Variants in GPLD1 observed in about 807,000 individuals in gnomAD.
GPLD1 encodes glycosylphosphatidylinositol specific phospholipase D1.
Under a neutral mutation model 112.6 loss-of-function variants are expected in GPLD1, and 84 were observed. That is an observed-to-expected ratio of 0.75 (90% CI 0.63 to 0.89). The LOEUF is 0.89. GPLD1 is among the 40% of genes least tolerant of loss of function. The pLI is 0.00. For missense variants in GPLD1, 1,044 were observed against 1,051.5 expected (o/e 0.99, Z 0.10); for synonymous variants, 386 against 403.8 (o/e 0.96, Z 0.53).
rs904728232 is a variant in GPLD1 at position 24,446,780 on chromosome 6, A to C, written c.1820+58T>G. ...CTCAGCCTCATGCTCAGTGCGCTCC[A>C]TAGCAGCAGGTACCTGCCCCTGTGT... On this transcript the variant is annotated intron_variant, in intron 18 of 24. Transcript: ENST00000230036. 44 of 1,569,240 alleles carry C rather than the reference A, an allele frequency of 2.8e-5. 1 individual carries two copies. Among genetic ancestry groups the C allele is most frequent in the Non-Finnish European group, 3.7e-5 (43 of 1,152,022 alleles).
At chr6:24,457,764 T>G (rs1044668189) in intron 12 of GPLD1, among the ~76,000 whole-genome samples, 2 of 151,926 alleles carry the variant, frequency 1.3e-5, no homozygotes, top group Non-Finnish European at 2.9e-5. Context: ...TCCCAGCTAC[T>G]TGGGAGGCTG....
At position 24,444,797 on chromosome 6, in the gene GPLD1, C is replaced by G. The variant is rs536247096; in HGVS notation, c.2020+749G>C. Among the ~76,000 whole-genome samples the G allele has an allele frequency of 1.9e-3, 286 of 152,078 alleles. 1 individual carries two copies. Among genetic ancestry groups the G allele is most frequent in the Non-Finnish European group, 3.1e-3 (212 of 68,026 alleles). On this transcript the variant is annotated intron_variant, in intron 20 of 24. Coordinates refer to ENST00000230036, the MANE Select transcript of GPLD1 (RefSeq NM_001503.4). The stretch of plus-strand genomic sequence containing the variant: ...CCAGGAGGTCAAGGCTGCCATAAGC[C>G]ATAATCACACCGCTGCACTCCAGCC...
chr6:24,481,000 G>C (rs1365143927), intron 2 of GPLD1, among the ~76,000 whole-genome samples: 1 of 152,232 alleles, frequency 6.6e-6, no homozygotes, highest in South Asian at 2.1e-4. Context: ...GCAGGTGCCC[G>C]AGGTGGTGAT....
chr6:24,479,504 A>G (rs1764131725), intron 3 of GPLD1, among the ~76,000 whole-genome samples: 1 of 152,244 alleles, frequency 6.6e-6, no homozygotes, highest in African/African-American at 2.4e-5. Flanking sequence ...AGTCTTTGCC[A>G]AGACATGAAA....
chr6:24,452,219 C>T (rs553182450), intron 14 of GPLD1, among the ~76,000 whole-genome samples: 1 of 152,304 alleles, frequency 6.6e-6, no homozygotes, highest in Non-Finnish European at 1.5e-5. Flanking sequence ...TCTCTTTATT[C>T]CCTGTCTATA....
chr6:24,484,953 A>G (rs7765441), intron 2 of GPLD1, among the ~76,000 whole-genome samples: 25,316 of 152,216 alleles, frequency 0.17, 2,557 homozygotes, highest in African/African-American at 0.28. Context: ...CTTATCAAAT[A>G]TAAGTATGAA....
At chr6:24,455,310 C>T (rs924266219) in intron 13 of GPLD1, among the ~76,000 whole-genome samples, 6 of 152,182 alleles carry the variant, frequency 3.9e-5, no homozygotes, top group Non-Finnish European at 1.5e-5. Flanking sequence ...GCCATACACA[C>T]AAGTGAACGA....
At chr6:24,464,100 C>T (rs572995697) in intron 10 of GPLD1, among the ~76,000 whole-genome samples, 2 of 152,322 alleles carry the variant, frequency 1.3e-5, no homozygotes, top group South Asian at 4.1e-4. Flanking sequence ...AGGTCAATCA[C>T]TCAAACATGC....
rs575605995 is a variant in GPLD1 at position 24,427,955 on chromosome 6, T to C, written c.*1077A>G. ...ATGTTCTCACAAGTGGGTGCTAAGT[T>C]AAAAGAACTTATGAACACAAAACAA... On this transcript the variant is annotated 3_prime_UTR_variant, in exon 25 of 25. Transcript: ENST00000230036. Among the ~76,000 whole-genome samples the C allele has an allele frequency of 2.0e-5, 3 of 151,964 alleles. No homozygotes were observed. The highest frequency in any genetic ancestry group is 7.2e-5 in the African/African-American group (3 of 41,444).
At chr6:24,453,937 C>T in intron 14 of GPLD1, 78 bp downstream of exon 14, 1 of 867,896 alleles carries the variant, frequency 1.2e-6, no homozygotes, top group Non-Finnish European at 1.8e-6. Flanking sequence ...TTATTAGTTA[C>T]TCATCCTGGA....
intron 3 of GPLD1, among the ~76,000 whole-genome samples, 185 bp from the exon 4 acceptor site, chr6:24,476,463 C>A (rs1006506390): frequency 3.3e-5 from 5 of 152,028 alleles, no homozygotes; most frequent in African/African-American, 1.2e-4. Context: ...TTTTGGAATA[C>A]GCGTGGTACT....
chr6:24,479,851 C>T (rs1253671407), intron 3 of GPLD1, 30 bp downstream of exon 3: 3 of 1,259,420 alleles, frequency 2.4e-6, no homozygotes, highest in Admixed American at 1.7e-5. Context: ...GTAAAAGTGA[C>T]TTCATTCAGT....
chr6:24,458,820 G>A (rs1470820793), intron 12 of GPLD1, among the ~76,000 whole-genome samples: 1 of 151,998 alleles, frequency 6.6e-6, no homozygotes, highest in Admixed American at 6.6e-5. Flanking sequence ...AGAGGTTACA[G>A]TGAGCTGAGG....
chr6:24,429,953 G>T (rs1394763663), intron 24 of GPLD1, among the ~76,000 whole-genome samples: 1 of 152,208 alleles, frequency 6.6e-6, no homozygotes, highest in Non-Finnish European at 1.5e-5. Flanking sequence ...TGAGGTACGG[G>T]TGATCAAACT....
chr6:24,479,087 C>T (rs1764114792), intron 3 of GPLD1, among the ~76,000 whole-genome samples: 1 of 152,128 alleles, frequency 6.6e-6, no homozygotes, highest in Non-Finnish European at 1.5e-5. Context: ...CATCTCCAAT[C>T]AGAAACATTC....
chr6:24,479,296 G>A (rs2817207), intron 3 of GPLD1, among the ~76,000 whole-genome samples: 48,150 of 152,046 alleles, frequency 0.32, 7,923 homozygotes, highest in Non-Finnish European at 0.35. Context: ...GTTCCTGACC[G>A]AAATCGGCCA....
chr6:24,454,015 C>T lies in GPLD1; in HGVS notation c.1335G>A (p.Gln445=). Residue 445 remains glutamine (Q), a splice_region_variant and synonymous_variant, in exon 14 of 25, where the codon CAG becomes CAA. Coordinates refer to ENST00000230036, the MANE Select transcript of GPLD1 (RefSeq NM_001503.4). ...GAGAAAGGATGAGATGGTGTCTCAC[C>T]TGGAAGCCTTCAAGGATCCTGTGGG... The part of the protein sequence containing the change: ...KEAHRILEGF[Q]PSGRFGSALA... 1 of 1,603,336 alleles carries T rather than the reference C, an allele frequency of 6.2e-7. No individual in the cohort carries two copies. Among genetic ancestry groups the T allele is most frequent in the Non-Finnish European group, 8.5e-7 (1 of 1,172,200 alleles).
In GPLD1 at chr6:24,489,565, C is replaced by T. The variant is rs1764497957; in HGVS notation, c.-54G>A. ...GACGTGGGAATGCTCAGAGCTGCAG[C>T]AGCACTGGGACTCCAAAATCCAGGT... On this transcript the variant is annotated 5_prime_UTR_variant, in exon 1 of 25. Transcript: ENST00000230036. The T allele has an allele frequency of 6.2e-7, 1 of 1,610,534 alleles. No individual in the cohort carries two copies.
rs144286253 is a variant in GPLD1 at position 24,452,015 on chromosome 6, C to T, written c.1335+2000G>A. Among the ~76,000 whole-genome samples, 12 of 152,258 alleles carry T rather than the reference C, an allele frequency of 7.9e-5. No homozygotes were observed. The East Asian group carries it at 2.1e-3, about 27-fold the overall frequency. On this transcript the variant is annotated intron_variant, in intron 14 of 24. Coordinates refer to ENST00000230036, the MANE Select transcript of GPLD1 (RefSeq NM_001503.4). ...CCTTGAGTTTCCTATCATAAACCTT[C>T]ATTGTATCAATGAGGACACAGAGAT...
Sources: allele counts gnomAD v4.1 joint callset (sites outside exome capture counted in the v4.1 genomes callset), GRCh38; gene constraint gnomAD v4.1.1; transcripts MANE v1.5; gene names NCBI Gene and HGNC (gene_info 2026-07-23, HGNC 2026-07-21).